Variants in MAGEB3 observed in about 807,000 individuals in gnomAD.
MAGEB3 encodes melanoma-associated antigen B3.
For missense variants in MAGEB3, 191 were observed against 262.4 expected (o/e 0.73, Z 1.88); for synonymous variants, 91 against 93.0 (o/e 0.98, Z 0.12).
chrX:30,231,634 G>A lies in MAGEB3; in HGVS notation c.-254+16G>A, dbSNP rs1355590945. ...GGAGGTTGTGGTAAGTCAAGATTGC[G>A]CGGCTACACTCCAGCCTGGAAGACA... On this transcript the variant is annotated intron_variant, in intron 2 of 4. Coordinates refer to ENST00000361644, the MANE Select transcript of MAGEB3 (RefSeq NM_002365.5). 3.6e-5 allele frequency: 3 copies of A among 83,420 alleles called. No homozygotes were observed. The highest frequency in any genetic ancestry group is 2.2e-5 in the Non-Finnish European group (1 of 45,590). 6.9% of individuals were successfully genotyped at this position (83,420 alleles called of 1,213,427 possible).
chrX:30,231,152 TA>T (rs1191869619), intron 1 of MAGEB3, among the ~76,000 whole-genome samples: 2 of 72,878 alleles, frequency 2.7e-5, no homozygotes, highest in Non-Finnish European at 5.6e-5. Context: ...AACCTGTCTC[TA>T]CAAAAAAAAA....
At position 30,235,892 on chromosome X, in the gene MAGEB3, C is replaced by T. The variant is rs769246646; in HGVS notation, c.-33C>T. ...CCTGTATCACCTGCCCTTCTGCTGA[C>T]ACTCCTGCCTGCTGTTCCTGACTAC... On this transcript the variant is annotated 5_prime_UTR_variant, in exon 5 of 5. Transcript: ENST00000361644. 7.3e-5 allele frequency: 82 copies of T among 1,117,653 alleles called. No homozygotes were observed. The highest frequency in any genetic ancestry group is 9.5e-5 in the Non-Finnish European group (79 of 829,522). The allele number at this position is 1,117,653 out of a possible 1,213,427, so 92.1% of individuals were successfully genotyped here. A position where few individuals can be genotyped will look rare whatever the true frequency, so the allele number is the denominator to read the frequency against.
intron 4 of MAGEB3, among the ~76,000 whole-genome samples, chrX:30,234,494 G>A (rs189485463): frequency 1.2e-3 from 129 of 110,551 alleles, no homozygotes; most frequent in Middle Eastern, 4.6e-3. Flanking sequence ...TCAAGGTCAG[G>A]ACCCTGAATG....
intron 1 of MAGEB3, among the ~76,000 whole-genome samples, chrX:30,231,107 C>T (rs1333567518): frequency 4.7e-5 from 5 of 105,498 alleles, no homozygotes; most frequent in Non-Finnish European, 9.8e-5. Flanking sequence ...TGGGCCCCCC[C>T]AGGAGTTCGA....
intron 4 of MAGEB3, 96 bp downstream of exon 4, chrX:30,233,459 A>G (rs1442761015): frequency 9.2e-5 from 9 of 97,608 alleles, no homozygotes; most frequent in Non-Finnish European, 1.7e-4. Flanking sequence ...AAAGAAAGAA[A>G]TATGAGGCCC....
chrX:30,234,076 A>G (rs1017001622), intron 4 of MAGEB3, among the ~76,000 whole-genome samples: 2 of 111,185 alleles, frequency 1.8e-5, no homozygotes, highest in Non-Finnish European at 3.8e-5. Context: ...TTTTTTATTT[A>G]TTTTTATTTT....
chrX:30,230,741 G>A lies in MAGEB3; in HGVS notation c.-432G>A, dbSNP rs981828305. ...TCAAAACTTCAGCCTAGATCTCGGA[G>A]GACCTTGATCTGAGCAGGATTCATG... On this transcript the variant is annotated 5_prime_UTR_variant, in exon 1 of 5. Coordinates refer to ENST00000361644, the MANE Select transcript of MAGEB3 (RefSeq NM_002365.5). 3 of 111,438 alleles carry A rather than the reference G, an allele frequency of 2.7e-5. No individual in the cohort carries two copies. The highest frequency in any genetic ancestry group is 5.7e-5 in the Non-Finnish European group (3 of 53,090). The allele number at this position is 111,438 out of a possible 1,213,427, so 9.2% of individuals were successfully genotyped here.
chrX:30,232,409 C>A (rs1924827849), intron 2 of MAGEB3, among the ~76,000 whole-genome samples: 1 of 104,457 alleles, frequency 9.6e-6, no homozygotes, highest in South Asian at 4.4e-4. Context: ...TGGGCCCCCC[C>A]AGGAGTTCGA....
chrX:30,236,822 C>T lies in MAGEB3; in HGVS notation c.898C>T (p.Pro300Ser). The change falls in exon 5 of 5, where the codon CCC (proline) becomes TCC (serine). Residue 300 changes from proline (P) to serine (S), a missense_variant. Transcript: ENST00000361644. ...TTGGGCCAAGGTCAATAAAACTGTC[C>T]CCAGTGCGTTCCAGTTCTGGTATGA... is the stretch of plus-strand genomic sequence containing the variant. Reference protein sequence around the residue: ...EFWAKVNKTVPSAFQFWYEEA... With the variant: ...EFWAKVNKTVSSAFQFWYEEA... The T allele has an allele frequency of 8.3e-7, 1 of 1,211,773 alleles. No individual in the cohort carries two copies. The highest frequency in any genetic ancestry group is 1.1e-6 in the Non-Finnish European group (1 of 895,497).
intron 3 of MAGEB3, among the ~76,000 whole-genome samples, 165 bp from the exon 4 acceptor site, chrX:30,233,097 C>T (rs1173211854): frequency 2.8e-5 from 3 of 108,692 alleles, no homozygotes; most frequent in Non-Finnish European, 5.7e-5. Flanking sequence ...CCCAGCTATT[C>T]GGGAGGTGGA....
At chrX:30,231,346 T>C (rs1370368844) in intron 1 of MAGEB3, among the ~76,000 whole-genome samples, 171 bp from the exon 2 acceptor site, 2 of 105,269 alleles carry the variant, frequency 1.9e-5, no homozygotes, top group East Asian at 5.8e-4. Flanking sequence ...GCGGCGCACG[T>C]GTAGTCCCAG....
In MAGEB3 at chrX:30,236,007, C is replaced by T; in HGVS notation, c.83C>T (p.Ala28Val). ...GGTCAGACCCAGGATCACCAGGGTGCTCAGATCACTGCAACTAACAAGAAA... is the reference window on the plus strand; with the variant it reads ...GGTCAGACCCAGGATCACCAGGGTGTTCAGATCACTGCAACTAACAAGAAA... ...TRGQTQDHQG[A>V]QITATNKKKV... The change falls in exon 5 of 5, where the codon GCT becomes GTT. Residue 28 changes from alanine (A) to valine (V), a missense_variant. Coordinates refer to ENST00000361644, the MANE Select transcript of MAGEB3 (RefSeq NM_002365.5). 8.3e-7 allele frequency: 1 copy of T among 1,208,213 alleles called. No homozygotes were observed. Among genetic ancestry groups the T allele is most frequent in the Non-Finnish European group, 1.1e-6 (1 of 893,980 alleles).
chrX:30,236,836 G>A lies in MAGEB3; in HGVS notation c.912G>A (p.Gln304=), dbSNP rs1455730394. The change falls in exon 5 of 5, where the codon CAG becomes CAA. Residue 304 remains glutamine, a synonymous_variant. Coordinates refer to ENST00000361644, the MANE Select transcript of MAGEB3 (RefSeq NM_002365.5). ...ATAAAACTGTCCCCAGTGCGTTCCA[G>A]TTCTGGTATGAAGAGGCTTTGAGAG... ...KVNKTVPSAF[Q]FWYEEALRDE... 8.3e-7 allele frequency: 1 copy of A among 1,210,430 alleles called. No individual in the cohort carries two copies. The highest frequency in any genetic ancestry group is 2.2e-5 in the Admixed American group (1 of 45,829).
chrX:30,235,300 A>G (rs749678254), intron 4 of MAGEB3, among the ~76,000 whole-genome samples: 38 of 111,753 alleles, frequency 3.4e-4, no homozygotes, highest in Non-Finnish European at 5.8e-4. Flanking sequence ...GAGGGGCATC[A>G]GAGCAGCAGA....
At chrX:30,234,497 C>A (rs142592722) in intron 4 of MAGEB3, among the ~76,000 whole-genome samples, 1 of 110,563 alleles carries the variant, frequency 9.0e-6, no homozygotes, top group Non-Finnish European at 1.9e-5. Context: ...AGGTCAGGAC[C>A]CTGAATGTGC....
At chrX:30,231,341 G>A (rs1460629347) in intron 1 of MAGEB3, among the ~76,000 whole-genome samples, 176 bp from the exon 2 acceptor site, 2 of 104,771 alleles carry the variant, frequency 1.9e-5, no homozygotes, top group African/African-American at 6.9e-5. Context: ...GTGGTGCGGC[G>A]CACGTGTAGT....
chrX:30,232,577 C>T (rs1395765557), intron 2 of MAGEB3, among the ~76,000 whole-genome samples: 3 of 104,195 alleles, frequency 2.9e-5, no homozygotes, highest in South Asian at 4.6e-4. Context: ...GCCAAGGTCA[C>T]GCCACTGCGC....
At chrX:30,233,455 A>AG (rs1422730649) in intron 4 of MAGEB3, 92 bp downstream of exon 4, 1 of 97,405 alleles carries the variant, frequency 1.0e-5, no homozygotes, top group Non-Finnish European at 2.1e-5. Flanking sequence ...AAAGAAAGAA[A>AG]GAAATATGAG....
chrX:30,233,431 AAAAAAAAAGAAAG>A (rs1192948218), intron 4 of MAGEB3, 68 bp downstream of exon 4: 1 of 90,737 alleles, frequency 1.1e-5, no homozygotes, highest in African/African-American at 4.0e-5. Flanking sequence ...CAAAAAAAAA[AAAAAAAAAGAAAG>A]AAAGAAAGAA....
Sources: allele counts gnomAD v4.1 joint callset (sites outside exome capture counted in the v4.1 genomes callset), GRCh38; gene constraint gnomAD v4.1.1; transcripts MANE v1.5; gene names NCBI Gene and HGNC (gene_info 2026-07-23, HGNC 2026-07-21).